Variants in EBI3 observed in about 807,000 individuals in gnomAD.
EBI3 encodes Epstein-Barr virus induced 3, also known as interleukin-27 subunit beta.
Under a neutral mutation model 21.3 loss-of-function variants are expected in EBI3, and 19 were observed. The observed-to-expected ratio is 0.89, with a 90% CI of 0.62 to 1.31. EBI3 has a LOEUF of 1.31. Among genes scored for constraint, EBI3 ranks in the 50% most tolerant of loss-of-function variants. EBI3 has a pLI of 0.00. For missense variants in EBI3, 331 were observed against 314.0 expected (o/e 1.05, Z -0.41); for synonymous variants, 154 against 131.2 (o/e 1.17, Z -1.19).
chr19:4,229,602 T>G lies in EBI3; in HGVS notation c.52T>G (p.Cys18Gly). Residue 18 changes from cysteine (C) to glycine (G), a missense_variant, in exon 1 of 5, where the codon TGC becomes GGC. Physicochemically the swap from Cys to Gly is radical, Grantham distance 159. Coordinates refer to ENST00000221847, the MANE Select transcript of EBI3 (RefSeq NM_005755.3). ...TGTCCTCTGGGCCAGCTGCCCGCCCTGCAGTGGAAGGAAAGGTATGTGGGG... is the reference window on the plus strand; with the variant it reads ...TGTCCTCTGGGCCAGCTGCCCGCCCGGCAGTGGAAGGAAAGGTATGTGGGG... ...ALVLWASCPP[C>G]SGRKGPPAAL... is the part of the protein sequence containing the mutation. 1 of 1,609,196 alleles carries G rather than the reference T, an allele frequency of 6.2e-7. No homozygotes were observed. Among genetic ancestry groups the G allele is most frequent in the Non-Finnish European group, 8.5e-7 (1 of 1,178,186 alleles).
rs577823748 is a variant in EBI3 at position 4,229,940 on chromosome 19, G to C, written c.67+323G>C. Reference sequence around the variant, plus strand: ...TGGTTTCTTTTTGGTTTTGTTTTTTGAGACAGAGTCTCACTCTGTCGCCCA... The same window carrying C: ...TGGTTTCTTTTTGGTTTTGTTTTTTCAGACAGAGTCTCACTCTGTCGCCCA... On this transcript the variant is annotated intron_variant, in intron 1 of 4. Transcript: ENST00000221847. 8.6e-5 allele frequency among the ~76,000 whole-genome samples: 13 copies of C among 152,032 alleles called. 1 individual carries two copies. Among genetic ancestry groups the C allele is most frequent in the African/African-American group, 3.1e-4 (13 of 41,492 alleles).
chr19:4,233,730 T>C (rs1046209626), intron 3 of EBI3, among the ~76,000 whole-genome samples: 2 of 152,168 alleles, frequency 1.3e-5, no homozygotes, highest in Non-Finnish European at 2.9e-5. Context: ...TGTGGCCACA[T>C]GTGATTCCTT....
chr19:4,232,791 GGAAT>G (rs1970799637), intron 2 of EBI3, among the ~76,000 whole-genome samples: 1 of 60,044 alleles, frequency 1.7e-5, no homozygotes, highest in Admixed American at 1.5e-4. Flanking sequence ...AATGAATGAA[GGAAT>G]GAATTAATGA....
chr19:4,236,838 G>T (rs745720711), intron 4 of EBI3, 98 bp from the exon 5 acceptor site: 41 of 1,322,304 alleles, frequency 3.1e-5, no homozygotes, highest in Non-Finnish European at 3.8e-5. Context: ...GAGCCTGCAG[G>T]GGGCAGGGAG....
intron 3 of EBI3, among the ~76,000 whole-genome samples, chr19:4,233,575 G>GTCC: frequency 6.6e-6 from 1 of 151,880 alleles, no homozygotes; most frequent in Middle Eastern, 3.2e-3. Context: ...GTCAGGGCAC[G>GTCC]TCCCTCTGCC....
In EBI3 at chr19:4,229,947, A is replaced by G. The variant is rs1599486031; in HGVS notation, c.67+330A>G. 2.6e-5 allele frequency among the ~76,000 whole-genome samples: 4 copies of G among 152,180 alleles called. No individual in the cohort carries two copies. In the South Asian group the frequency reaches 8.3e-4, roughly 32 times the overall value. On this transcript the variant is annotated intron_variant, in intron 1 of 4. Transcript: ENST00000221847. ...TTTTTGGTTTTGTTTTTTGAGACAGAGTCTCACTCTGTCGCCCAGGCTGGA... is the reference window on the plus strand; with the variant it reads ...TTTTTGGTTTTGTTTTTTGAGACAGGGTCTCACTCTGTCGCCCAGGCTGGA...
At chr19:4,236,857 G>C (rs890308426) in intron 4 of EBI3, 79 bp from the exon 5 acceptor site, 5 of 1,386,192 alleles carry the variant, frequency 3.6e-6, no homozygotes, top group Non-Finnish European at 4.7e-6. Context: ...AGGACTGCAC[G>C]CTCCGTTGTG....
intron 3 of EBI3, 88 bp downstream of exon 3, chr19:4,233,395 T>A: frequency 7.0e-7 from 1 of 1,431,136 alleles, no homozygotes; most frequent in South Asian, 1.4e-5. Flanking sequence ...CCTCCAGTCC[T>A]GCGGCTGCAC....
chr19:4,232,383 A>AGTGAGGTGTAACTGTACCACTGCACT (rs1217862618), intron 2 of EBI3, among the ~76,000 whole-genome samples: 1 of 150,704 alleles, frequency 6.6e-6, no homozygotes, highest in African/African-American at 2.4e-5. Context: ...GGAGTTTGAG[A>AGTGAGGTGTAACTGTACCACTGCACT]CCAGCCTGGG....
At chr19:4,232,792 GAATGAATTA>G (rs1260820678) in intron 2 of EBI3, among the ~76,000 whole-genome samples, 37 of 134,948 alleles carry the variant, frequency 2.7e-4, no homozygotes, top group Non-Finnish European at 4.0e-4. Flanking sequence ...ATGAATGAAG[GAATGAATTA>G]ATGAATGAAT....
At chr19:4,230,927 CTT>C (rs1970776315) in intron 1 of EBI3, among the ~76,000 whole-genome samples, 1 of 152,036 alleles carries the variant, frequency 6.6e-6, no homozygotes, top group Admixed American at 6.6e-5. Flanking sequence ...ATCTCTCTCT[CTT>C]ACCCGAGTTC....
chr19:4,234,675 G>C lies in EBI3; in HGVS notation c.388G>C (p.Asp130His). The C allele has an allele frequency of 6.2e-7, 1 of 1,612,824 alleles. No homozygotes were observed. Among genetic ancestry groups the C allele is most frequent in the Non-Finnish European group, 8.5e-7 (1 of 1,179,178 alleles). ...TCCTGCTTGTCCGTCAGTCAAGCCC[G>C]ACCCTCCAGAAGGCGTGCGCCTAAG... ...PFITEHIIKP[D>H]PPEGVRLSPL... The change falls in exon 4 of 5, where the codon GAC becomes CAC. Residue 130 changes from aspartate to histidine, a missense_variant. Physicochemically the swap from Asp to His is moderately conservative, Grantham distance 81. Coordinates refer to ENST00000221847, the MANE Select transcript of EBI3 (RefSeq NM_005755.3).
rs750388890 is a variant in EBI3 at position 4,233,278 on chromosome 19, G to T, written c.350G>T (p.Ser117Ile). 6.2e-7 allele frequency: 1 copy of T among 1,611,644 alleles called. No homozygotes were observed. The highest frequency in any genetic ancestry group is 1.1e-5 in the South Asian group (1 of 90,900). The stretch of plus-strand genomic sequence containing the variant: ...GTCCACCCCTGGGGCTCCAGCAGCA[G>T]CTTCGTGCCTTTCATAACAGAGCAC... ...TAVHPWGSSS[S>I]FVPFITEHII... Residue 117 changes from serine (S) to isoleucine (I), a missense_variant, in exon 3 of 5, where the codon AGC becomes ATC. Transcript: ENST00000221847.
At chr19:4,232,231 AAAAAAAAAAAAAAAG>A (rs1380340212) in intron 2 of EBI3, among the ~76,000 whole-genome samples, 96 of 138,540 alleles carry the variant, frequency 6.9e-4, no homozygotes, top group Admixed American at 1.1e-3. Flanking sequence ...TCAAAAAAAA[AAAAAAAAAAAAAAAG>A]AAAAGAAAAG....
At chr19:4,232,252 AAAAGAAAAGAAAAG>A (rs1970791739) in intron 2 of EBI3, among the ~76,000 whole-genome samples, 1 of 108,184 alleles carries the variant, frequency 9.2e-6, no homozygotes, top group Non-Finnish European at 1.7e-5. Flanking sequence ...AAAAGAAAAG[AAAAGAAAAGAAAAG>A]AAAAGAAAAA....
chr19:4,229,747 A>G, intron 1 of EBI3, 130 bp downstream of exon 1: 8 of 936,302 alleles, frequency 8.5e-6, no homozygotes, highest in South Asian at 5.2e-5. Context: ...TTACCCTCCC[A>G]TTGTACAGAT....
Position 4,237,050 on chromosome 19 carries a change from A to G in EBI3, c.652A>G (p.Ser218Gly). 2 of 1,555,650 alleles carry G rather than the reference A, an allele frequency of 1.3e-6. No individual in the cohort carries two copies. Among genetic ancestry groups the G allele is most frequent in the Non-Finnish European group, 1.7e-6 (2 of 1,148,868 alleles). ...AGACTACGGGGAACTGAGTGACTGG[A>G]GTCTCCCCGCCACTGCCACAATGAG... ...LTDYGELSDW[S>G]LPATATMSLG... The change falls in exon 5 of 5, where the codon AGT (serine) becomes GGT (glycine). Residue 218 changes from serine (S) to glycine (G), a missense_variant. Ser to Gly is a moderately conservative substitution (Grantham distance 56). Transcript: ENST00000221847.
At chr19:4,236,051 T>C (rs1388801385) in intron 4 of EBI3, among the ~76,000 whole-genome samples, 3 of 151,638 alleles carry the variant, frequency 2.0e-5, no homozygotes, top group African/African-American at 7.3e-5. Flanking sequence ...TGAAACCCCA[T>C]CTCTATTAAA....
chr19:4,233,647 C>G (rs2144676730), intron 3 of EBI3, among the ~76,000 whole-genome samples: 2 of 152,288 alleles, frequency 1.3e-5, no homozygotes, highest in Admixed American at 1.3e-4. Context: ...CTACTGCCCA[C>G]CAAACCCTGG....
Sources: gnomAD v4.1 joint callset for allele counts (sites outside exome capture counted in the v4.1 genomes callset) on GRCh38, gnomAD v4.1.1 for gene constraint, MANE v1.5 for transcripts, NCBI Gene and HGNC (gene_info 2026-07-23, HGNC 2026-07-21) for gene names.